Variants in MSANTD1 observed in about 807,000 individuals in gnomAD.
MSANTD1 encodes Myb/SANT DNA binding domain containing 1.
MSANTD1 carries 7 observed loss-of-function variants against 24.2 expected under a neutral mutation model. The ratio of observed to expected loss-of-function variants is 0.29; its 90% CI spans 0.16 to 0.54. The LOEUF (loss-of-function observed/expected upper bound fraction) is 0.54, where lower values mean the gene tolerates loss of function less well. Ranked by LOEUF, MSANTD1 falls within the 20% of genes least tolerant of loss-of-function variation. The pLI is 0.94. For synonymous variants in MSANTD1, 177 were observed against 181.1 expected (o/e 0.98, Z 0.18); for missense variants, 384 against 408.2 (o/e 0.94, Z 0.51).
At position 3,253,317 on chromosome 4, in the gene MSANTD1, C is replaced by T. The variant is rs541435320; in HGVS notation, c.431C>T (p.Pro144Leu). 3.7e-6 allele frequency: 6 copies of T among 1,610,168 alleles called. No individual in the cohort carries two copies. The highest frequency in any genetic ancestry group is 1.7e-5 in the Admixed American group (1 of 59,422). The change falls in exon 2 of 3, where the codon CCG becomes CTG. Residue 144 changes from proline (P) to leucine (L), a missense_variant. Coordinates refer to ENST00000438480, the MANE Select transcript of MSANTD1 (RefSeq NM_001042690.2). ...KVPESCDGKL[P>L]DSQPPGPSTS... Reference sequence around the variant, plus strand: ...CCCGAGTCCTGTGATGGCAAACTGCCGGACAGCCAGCCGCCGGGGCCCTCC... The same window carrying T: ...CCCGAGTCCTGTGATGGCAAACTGCTGGACAGCCAGCCGCCGGGGCCCTCC...
At chr4:3,251,165 C>T (rs935118847) in intron 1 of MSANTD1, among the ~76,000 whole-genome samples, 13 of 152,318 alleles carry the variant, frequency 8.5e-5, no homozygotes, top group Admixed American at 2.6e-4. Context: ...CCACTGTTCC[C>T]GTGGCCTCCT....
intron 1 of MSANTD1, among the ~76,000 whole-genome samples, chr4:3,250,054 G>T (rs547041825): frequency 6.6e-6 from 1 of 152,208 alleles, no homozygotes; most frequent in Non-Finnish European, 1.5e-5. Flanking sequence ...AGTGCTCTGC[G>T]ACTTGGAGCA....
intron 2 of MSANTD1, among the ~76,000 whole-genome samples, chr4:3,254,652 C>T (rs2110323088): frequency 6.6e-6 from 1 of 152,314 alleles, no homozygotes; most frequent in East Asian, 1.9e-4. Context: ...GGGAGGTCTG[C>T]TGAGACCACG....
chr4:3,255,604 T>G, intron 2 of MSANTD1, 121 bp from the exon 3 acceptor site: 1 of 1,298,760 alleles, frequency 7.7e-7, no homozygotes, highest in Non-Finnish European at 1.0e-6. Flanking sequence ...GTAAGTGACC[T>G]GACTCCCTGG....
At chr4:3,249,983 G>C (rs1379110351) in intron 1 of MSANTD1, among the ~76,000 whole-genome samples, 1 of 152,248 alleles carries the variant, frequency 6.6e-6, no homozygotes, top group Admixed American at 6.5e-5. Context: ...AAGCTCAGCA[G>C]GGGTTTCAGG....
chr4:3,250,644 C>A (rs990288015), intron 1 of MSANTD1, among the ~76,000 whole-genome samples: 1 of 152,184 alleles, frequency 6.6e-6, no homozygotes, highest in South Asian at 2.1e-4. Context: ...AGAGAGCACC[C>A]GGCCCTGTGG....
chr4:3,245,442 C>T (rs557719052), upstream of MSANTD1: 9 of 152,560 alleles, frequency 5.9e-5, no homozygotes, highest in African/African-American at 1.7e-4. Flanking sequence ...CGGGTGGAGC[C>T]GCCACTGAAG....
At chr4:3,248,535 G>C (rs1661564849), upstream of MSANTD1, 1 of 152,440 alleles carries the variant, frequency 6.6e-6, no homozygotes, top group South Asian at 2.1e-4. Context: ...CCCTGTGTCT[G>C]CACCTCTGGG....
Position 3,249,290 on chromosome 4 carries a change from T to A in MSANTD1, c.68T>A (p.Met23Lys), listed in dbSNP as rs1473029405. Residue 23 changes from methionine (M) to lysine (K), a missense_variant, in exon 1 of 3, where the codon ATG (methionine) becomes AAG (lysine). Transcript: ENST00000438480. ...TCTCACCCCACAGGCGCCTCCGGCA[T>A]GGCGGCGGCCGAGGGGCCCGGCTAC... ...ALSHPTGASGMAAAEGPGYLV... is the reference protein window; with the variant it reads ...ALSHPTGASGKAAAEGPGYLV... 6.5e-7 allele frequency: 1 copy of A among 1,527,730 alleles called. No individual in the cohort carries two copies. Among genetic ancestry groups the A allele is most frequent in the Non-Finnish European group, 8.8e-7 (1 of 1,132,620 alleles). 94.6% of individuals were successfully genotyped at this position (1,527,730 alleles called of 1,614,324 possible). A position where few individuals can be genotyped will look rare whatever the true frequency, so the allele number is the denominator to read the frequency against.
chr4:3,250,772 G>C (rs1019341142), intron 1 of MSANTD1, among the ~76,000 whole-genome samples: 1 of 152,170 alleles, frequency 6.6e-6, no homozygotes, highest in African/African-American at 2.4e-5. Context: ...GGGCAGAGAG[G>C]CTGAGAGCAC....
upstream of MSANTD1, among the ~76,000 whole-genome samples, chr4:3,245,791 C>T (rs1393202983): frequency 2.0e-5 from 3 of 152,084 alleles, no homozygotes; most frequent in Non-Finnish European, 2.9e-5. Context: ...GCAGCCACAT[C>T]CTCTGGGGGG....
Position 3,249,376 on chromosome 4 carries a change from C to A in MSANTD1, c.154C>A (p.Arg52Ser). The A allele has an allele frequency of 6.3e-7, 1 of 1,575,728 alleles. No homozygotes were observed. The highest frequency in any genetic ancestry group is 1.9e-5 in the Admixed American group (1 of 53,764). Residue 52 changes from arginine to serine, a missense_variant, in exon 1 of 3, where the codon CGC (arginine) becomes AGC (serine). Physicochemically the swap from Arg to Ser is moderately radical, Grantham distance 110. Transcript: ENST00000438480. Reference protein sequence around the residue: ...RARNWTDAEMRGLMLVWEEFF... With the variant: ...RARNWTDAEMSGLMLVWEEFF... Reference sequence around the variant, plus strand: ...CCGCAACTGGACGGACGCCGAGATGCGCGGCCTCATGCTGGTCTGGGAGGA... The same window carrying A: ...CCGCAACTGGACGGACGCCGAGATGAGCGGCCTCATGCTGGTCTGGGAGGA...
chr4:3,254,921 G>A lies in MSANTD1; in HGVS notation c.597-804G>A, dbSNP rs141154951. Among the ~76,000 whole-genome samples the A allele has an allele frequency of 3.6e-3, 555 of 152,288 alleles. 3 individuals are homozygous for A. Among genetic ancestry groups the A allele is most frequent in the African/African-American group, 0.012 (519 of 41,568 alleles). On this transcript the variant is annotated intron_variant, in intron 2 of 2. Coordinates refer to ENST00000438480, the MANE Select transcript of MSANTD1 (RefSeq NM_001042690.2). ...TCAGTTTCCCCATCTGCCTAAGGCC[G>A]GGTGGGGCTGGTGGTCTTGGCTTCC...
chr4:3,246,674 C>T (rs376856137), upstream of MSANTD1: 41 of 697,322 alleles, frequency 5.9e-5, no homozygotes, highest in African/African-American at 3.3e-4. Context: ...TGCCAAGGTA[C>T]GAGCCCCTCC....
intron 1 of MSANTD1, among the ~76,000 whole-genome samples, chr4:3,249,937 G>A (rs903518651): frequency 3.9e-5 from 6 of 152,212 alleles, no homozygotes; most frequent in East Asian, 1.9e-4. Flanking sequence ...ATAGGGAGGC[G>A]GCGGCTGCCA....
rs1173593096 is a variant in MSANTD1, at chr4:3,255,879, C to G, written c.751C>G (p.Gln251Glu). The G allele has an allele frequency of 1.3e-6, 2 of 1,545,778 alleles. No homozygotes were observed. The highest frequency in any genetic ancestry group is 2.4e-5 in the East Asian group (1 of 40,904). Residue 251 changes from glutamine to glutamate, a missense_variant, in exon 3 of 3, where the codon CAG (glutamine) becomes GAG (glutamate). Physicochemically the swap from Gln to Glu is conservative, Grantham distance 29. Transcript: ENST00000438480. Reference protein sequence around the residue: ...CREVRRVLDQQHILQVQSLQL... With the variant: ...CREVRRVLDQEHILQVQSLQL... ...CGAGGTGCGCCGCGTGCTGGACCAG[C>G]AGCACATCCTGCAGGTGCAGAGCCT...
upstream of MSANTD1, among the ~76,000 whole-genome samples, chr4:3,246,224 C>T (rs1450405529): frequency 6.6e-6 from 1 of 152,206 alleles, no homozygotes; most frequent in Non-Finnish European, 1.5e-5. Context: ...CTGCCTTCAC[C>T]CAAGCCCTGA....
At chr4:3,246,549 G>A (rs1365026900), upstream of MSANTD1, 1 of 606,832 alleles carries the variant, frequency 1.6e-6, no homozygotes, top group African/African-American at 1.9e-5. Flanking sequence ...CTGCACCAGG[G>A]ACAGCTCCTG....
chr4:3,253,571 C>T (rs557986425), intron 2 of MSANTD1, 89 bp downstream of exon 2: 38 of 1,356,280 alleles, frequency 2.8e-5, no homozygotes, highest in South Asian at 2.7e-4. Context: ...AGGCCGGCGG[C>T]GGCGGCCACA....
Sources: allele counts gnomAD v4.1 joint callset (sites outside exome capture counted in the v4.1 genomes callset), GRCh38; gene constraint gnomAD v4.1.1; transcripts MANE v1.5; gene names NCBI Gene and HGNC (gene_info 2026-07-23, HGNC 2026-07-21).